CADM2: variants seen among roughly 807,000 people sequenced by gnomAD.
CADM2 encodes immunoglobulin superfamily member 4D.
Under a neutral mutation model 49.8 loss-of-function variants are expected in CADM2, and 12 were observed. The ratio of observed to expected loss-of-function variants is 0.24; its 90% CI spans 0.15 to 0.39. The LOEUF (loss-of-function observed/expected upper bound fraction) is 0.39. Ranked by LOEUF, CADM2 falls within the 10% of genes least tolerant of loss-of-function variation. CADM2 has a pLI of 1.00. For synonymous variants in CADM2, 214 were observed against 175.4 expected (o/e 1.22, Z -1.74); for missense variants, 378 against 492.3 (o/e 0.77, Z 2.20).
intron 1 of CADM2, among the ~76,000 whole-genome samples, chr3:85,188,921 C>T (rs2041133399): frequency 1.3e-5 from 2 of 151,778 alleles, no homozygotes. Flanking sequence ...GTCCCAGCTA[C>T]TCGGGAGGCT....
chr3:85,277,074 G>A (rs1230559536), intron 1 of CADM2, among the ~76,000 whole-genome samples: 2 of 151,342 alleles, frequency 1.3e-5, no homozygotes, highest in Non-Finnish European at 3.0e-5. Context: ...ATAGAACATT[G>A]TTATTAGCCA....
chr3:85,664,394 G>A (rs1290356994), intron 1 of CADM2, among the ~76,000 whole-genome samples: 4 of 151,812 alleles, frequency 2.6e-5, no homozygotes, highest in South Asian at 2.1e-4. Context: ...AAATGATTTC[G>A]CATTTCAAGT....
At chr3:85,225,635 A>G (rs911021897) in intron 1 of CADM2, among the ~76,000 whole-genome samples, 1 of 152,182 alleles carries the variant, frequency 6.6e-6, no homozygotes, top group Non-Finnish European at 1.5e-5. Flanking sequence ...TTCCAATACT[A>G]TATTCAATAG....
At chr3:85,870,826 A>T (rs1484618636) in intron 3 of CADM2, among the ~76,000 whole-genome samples, 1 of 152,136 alleles carries the variant, frequency 6.6e-6, no homozygotes, top group East Asian at 1.9e-4. Context: ...GAATCCTCAC[A>T]TTGCTTTGCA....
intron 3 of CADM2, among the ~76,000 whole-genome samples, chr3:85,808,613 C>G (rs2072611085): frequency 6.6e-6 from 1 of 152,172 alleles, no homozygotes; most frequent in South Asian, 2.1e-4. Flanking sequence ...GCCCATAACA[C>G]ACACATTCAA....
At chr3:85,409,702 G>A (rs2035568387) in intron 1 of CADM2, among the ~76,000 whole-genome samples, 1 of 152,014 alleles carries the variant, frequency 6.6e-6, no homozygotes, top group African/African-American at 2.4e-5. Flanking sequence ...TCTTAACTTG[G>A]ATTAAAGATG....
intron 1 of CADM2, among the ~76,000 whole-genome samples, chr3:85,503,488 TA>T (rs1178541179): frequency 6.6e-6 from 1 of 152,226 alleles, no homozygotes; most frequent in Non-Finnish European, 1.5e-5. Flanking sequence ...TATTTTTCTT[TA>T]TTTGAATGTA....
At chr3:85,496,842 T>C (rs1348666202) in intron 1 of CADM2, among the ~76,000 whole-genome samples, 2 of 152,154 alleles carry the variant, frequency 1.3e-5, no homozygotes, top group African/African-American at 4.8e-5. Context: ...TATGTCTTTA[T>C]TTATTTATTT....
intron 1 of CADM2, among the ~76,000 whole-genome samples, chr3:85,076,262 C>T (rs1217610603): frequency 6.6e-6 from 1 of 150,820 alleles, no homozygotes; most frequent in Non-Finnish European, 1.5e-5. Flanking sequence ...AAATATGATT[C>T]TAGCCACTGA....
chr3:85,138,555 T>C (rs2039485878), intron 1 of CADM2, among the ~76,000 whole-genome samples: 1 of 152,198 alleles, frequency 6.6e-6, no homozygotes, highest in African/African-American at 2.4e-5. Context: ...ATGGTTATTA[T>C]GATGTAGGAT....
intron 1 of CADM2, among the ~76,000 whole-genome samples, chr3:85,569,720 A>AG (rs1292559917): frequency 1.3e-5 from 2 of 151,760 alleles, no homozygotes; most frequent in Non-Finnish European, 2.9e-5. Flanking sequence ...AAAAAGAAAA[A>AG]AAAAAGAAAA....
intron 1 of CADM2, among the ~76,000 whole-genome samples, chr3:85,162,991 A>G (rs1046741569): frequency 6.6e-6 from 1 of 152,046 alleles, no homozygotes; most frequent in Non-Finnish European, 1.5e-5. Context: ...ATGATCATCT[A>G]CCTGATAAAC....
intron 1 of CADM2, among the ~76,000 whole-genome samples, chr3:85,079,166 T>C (rs1362455239): frequency 6.6e-6 from 1 of 151,812 alleles, no homozygotes; most frequent in Non-Finnish European, 1.5e-5. Flanking sequence ...CCTAGCTATT[T>C]CCATGAAATA....
chr3:85,528,372 C>A (rs954683745), intron 1 of CADM2, among the ~76,000 whole-genome samples: 1 of 152,178 alleles, frequency 6.6e-6, no homozygotes, highest in South Asian at 2.1e-4. Context: ...ACTGTTTTCT[C>A]TTTATAGTTT....
At chr3:85,835,617 T>G (rs1408155176) in intron 3 of CADM2, among the ~76,000 whole-genome samples, 2 of 150,820 alleles carry the variant, frequency 1.3e-5, no homozygotes, top group Admixed American at 6.6e-5. Context: ...ACTTTATCTT[T>G]CATTGTTTTT....
chr3:85,319,584 A>G (rs1380101721), intron 1 of CADM2, among the ~76,000 whole-genome samples: 3 of 152,086 alleles, frequency 2.0e-5, no homozygotes, highest in African/African-American at 7.3e-5. Flanking sequence ...AAAATGTGGT[A>G]CATATAAACC....
chr3:85,993,621 T>G (rs2108712727), intron 8 of CADM2: 1 of 152,252 alleles, frequency 6.6e-6, no homozygotes, highest in Non-Finnish European at 1.5e-5. Flanking sequence ...ATGTATCTCT[T>G]AAATAACAAA....
intron 3 of CADM2, among the ~76,000 whole-genome samples, chr3:85,843,515 A>C (rs546691194): frequency 6.6e-6 from 1 of 152,182 alleles, no homozygotes; most frequent in East Asian, 1.9e-4. Context: ...TTTTTTATTT[A>C]AAGTAAGGTG....
chr3:85,804,086 A>C (rs1450539890), intron 3 of CADM2, among the ~76,000 whole-genome samples: 1 of 152,126 alleles, frequency 6.6e-6, no homozygotes, highest in Non-Finnish European at 1.5e-5. Context: ...GAGATTAAAC[A>C]ATCTCTTTTT....
Sources: gnomAD v4.1 joint callset for allele counts (sites outside exome capture counted in the v4.1 genomes callset) on GRCh38, gnomAD v4.1.1 for gene constraint, MANE v1.5 for transcripts, NCBI Gene and HGNC (gene_info 2026-07-23, HGNC 2026-07-21) for gene names.